The following FAT3 variants were observed in gnomAD, a reference collection of about 807,000 sequenced individuals.
The protein encoded by FAT3 is FAT atypical cadherin 3.
In FAT3, 95 loss-of-function variants were observed where a neutral mutation model predicts 310.2. That is an observed-to-expected ratio of 0.31 (90% confidence interval 0.26 to 0.36). The LOEUF (loss-of-function observed/expected upper bound fraction) is 0.36, where lower values mean the gene tolerates loss of function less well. Ranked by LOEUF, FAT3 falls within the 10% of genes least tolerant of loss-of-function variation. The pLI is 1.00. For synonymous variants in FAT3, 2,314 were observed against 2,192.9 expected (o/e 1.06, Z -1.54); for missense variants, 5,408 against 5,715.6 (o/e 0.95, Z 1.74).
intron 7 of FAT3, among the ~76,000 whole-genome samples, chr11:92,789,718 T>C (rs1946986986): frequency 6.6e-6 from 1 of 152,222 alleles, no homozygotes; most frequent in South Asian, 2.1e-4. Context: ...ATAGTGAGAA[T>C]ATTGGTCAGC....
At position 92,354,323 on chromosome 11, in the gene FAT3, G is replaced by A; in HGVS notation, c.2211G>A (p.Glu737=). 1 of 1,613,778 alleles carries A rather than the reference G, an allele frequency of 6.2e-7. No individual in the cohort carries two copies. Among genetic ancestry groups the A allele is most frequent in the Non-Finnish European group, 8.5e-7 (1 of 1,179,852 alleles). The change falls in exon 2 of 28, where the codon GAG becomes GAA. Residue 737 remains glutamate, a synonymous_variant. Transcript: ENST00000525166. ...TTCCTTCTGATGTGGCTGTAAAGGA[G>A]GATCTGCCAGTTGGTGCTAACATTC... ...KSFPSDVAVK[E]DLPVGANILK... is the part of the protein sequence containing the mutation.
At chr11:92,840,884 C>G (rs1948529314) in intron 18 of FAT3, 125 bp downstream of exon 18, 5 of 908,340 alleles carry the variant, frequency 5.5e-6, no homozygotes, top group Non-Finnish European at 7.8e-6. Context: ...GGGAATGTTC[C>G]CCCTTTTAAT....
intron 19 of FAT3, among the ~76,000 whole-genome samples, chr11:92,848,126 A>G (rs193212404): frequency 1.3e-5 from 2 of 152,328 alleles, no homozygotes; most frequent in East Asian, 1.9e-4. Context: ...TTTGGCCTCA[A>G]TATTCTATCC....
In FAT3 at chr11:92,798,698, T is replaced by C; in HGVS notation, c.5685T>C (p.Pro1895=). The part of the protein sequence containing the change: ...QAVFETILLL[P]TYVGVEVLKV... ...TGTTTGAGACTATCTTACTTCTACC[T>C]ACCTATGTTGGAGTGGAGGTTCTGA... The change falls in exon 10 of 28, where the codon CCT becomes CCC. Residue 1895 remains proline, a synonymous_variant. Coordinates refer to ENST00000525166, the MANE Select transcript of FAT3 (RefSeq NM_001367949.2). 1 of 1,613,780 alleles carries C rather than the reference T, an allele frequency of 6.2e-7. No homozygotes were observed. The highest frequency in any genetic ancestry group is 8.5e-7 in the Non-Finnish European group (1 of 1,179,824).
intron 1 of FAT3, among the ~76,000 whole-genome samples, chr11:92,227,965 G>A (rs994401357): frequency 1.3e-5 from 2 of 151,700 alleles, no homozygotes; most frequent in South Asian, 2.1e-4. Context: ...TTGTCTCTTA[G>A]AATTAAACCG....
intron 3 of FAT3, among the ~76,000 whole-genome samples, chr11:92,649,615 C>T (rs1942295031): frequency 6.6e-6 from 1 of 152,006 alleles, no homozygotes; most frequent in African/African-American, 2.4e-5. Flanking sequence ...TTTGATTGTG[C>T]CTCAGCGCTT....
intron 3 of FAT3, among the ~76,000 whole-genome samples, chr11:92,637,674 C>T (rs1020878343): frequency 2.0e-4 from 30 of 152,156 alleles, no homozygotes; most frequent in Admixed American, 1.9e-3. Flanking sequence ...AACTTCATGA[C>T]TGTGTGCCTC....
intron 2 of FAT3, among the ~76,000 whole-genome samples, chr11:92,452,819 G>T (rs1326843280): frequency 6.6e-6 from 1 of 152,110 alleles, no homozygotes; most frequent in Non-Finnish European, 1.5e-5. Flanking sequence ...CTAGAGTGCA[G>T]TGGTGAGATC....
Position 92,352,155 on chromosome 11 carries a change from G to T in FAT3, c.43G>T (p.Ala15Ser), listed in dbSNP as rs756076337. ...ACACTGTGTGGGCACACGGCCTCCT[G>T]CTTGTTGCCTCATCCTCCTGCTTTT... ...MGHCVGTRPP[A>S]CCLILLLFKL... is the part of the protein sequence containing the mutation. The change falls in exon 2 of 28, where the codon GCT becomes TCT. Residue 15 changes from alanine (A) to serine (S), a missense_variant. By Grantham distance (99) the Ala-to-Ser change is moderately conservative. Coordinates refer to ENST00000525166, the MANE Select transcript of FAT3 (RefSeq NM_001367949.2). The T allele has an allele frequency of 1.5e-6, 2 of 1,368,730 alleles. No homozygotes were observed. The highest frequency in any genetic ancestry group is 1.9e-5 in the Admixed American group (1 of 52,336). 84.8% of individuals were successfully genotyped at this position (1,368,730 alleles called of 1,614,324 possible). A position where few individuals can be genotyped will look rare whatever the true frequency, so the allele number is the denominator to read the frequency against.
At chr11:92,548,678 T>C (rs1280103922) in intron 3 of FAT3, among the ~76,000 whole-genome samples, 1 of 152,220 alleles carries the variant, frequency 6.6e-6, no homozygotes. Context: ...TAGAAACCTA[T>C]AGCAGTGTAA....
chr11:92,609,191 C>G (rs932014708), intron 3 of FAT3, among the ~76,000 whole-genome samples: 3 of 152,196 alleles, frequency 2.0e-5, no homozygotes, highest in South Asian at 2.1e-4. Flanking sequence ...GTTGTCAGAA[C>G]TCTAGTGAAC....
At chr11:92,462,866 T>G (rs552497231) in intron 2 of FAT3, among the ~76,000 whole-genome samples, 4 of 152,354 alleles carry the variant, frequency 2.6e-5, no homozygotes, top group Middle Eastern at 3.4e-3. Context: ...CTTCCAGTAC[T>G]TCTTGTTCTC....
intron 3 of FAT3, among the ~76,000 whole-genome samples, chr11:92,625,659 C>G (rs1194419294): frequency 6.6e-6 from 1 of 152,092 alleles, no homozygotes; most frequent in East Asian, 1.9e-4. Flanking sequence ...TTGGCTATGG[C>G]TATTTGATGT....
intron 4 of FAT3, among the ~76,000 whole-genome samples, chr11:92,729,115 CTA>C (rs1483942388): frequency 6.6e-6 from 1 of 152,138 alleles, no homozygotes; most frequent in Non-Finnish European, 1.5e-5. Context: ...GTGATTTGTT[CTA>C]TGTGTTTCTT....
chr11:92,279,123 C>T (rs1366789914), intron 1 of FAT3, among the ~76,000 whole-genome samples: 1 of 152,048 alleles, frequency 6.6e-6, no homozygotes, highest in Non-Finnish European at 1.5e-5. Flanking sequence ...ATTACTAAAC[C>T]TTTTATCTAA....
In FAT3 at chr11:92,859,305, C is replaced by A. The variant is rs751390066; in HGVS notation, c.11641C>A (p.Pro3881Thr). The A allele has an allele frequency of 3.1e-6, 5 of 1,604,116 alleles. No homozygotes were observed. Among genetic ancestry groups the A allele is most frequent in the East Asian group, 4.5e-5 (2 of 44,672 alleles). Residue 3881 changes from proline (P) to threonine (T), a missense_variant, in exon 21 of 28, where the codon CCC becomes ACC. This residue lies in a region of FAT3 where 4,588 missense variants were observed against 4,809.8 expected (regional missense o/e 0.95). Coordinates refer to ENST00000525166, the MANE Select transcript of FAT3 (RefSeq NM_001367949.2). ...GATTATAATGTACACCAGAGCAAAT[C>A]CCTGCATAATTCTGAAGGTAATTAA... is the stretch of plus-strand genomic sequence containing the variant. ...NGIIMYTRAN[P>T]CIILKIVDGK...
intron 3 of FAT3, among the ~76,000 whole-genome samples, chr11:92,575,104 T>C (rs1938406932): frequency 6.6e-6 from 1 of 152,194 alleles, no homozygotes; most frequent in Admixed American, 6.5e-5. Flanking sequence ...TTTTTTTCCA[T>C]TTGTTAGTTA....
intron 1 of FAT3, among the ~76,000 whole-genome samples, chr11:92,237,825 A>T (rs1399814980): frequency 6.6e-6 from 1 of 152,162 alleles, no homozygotes; most frequent in East Asian, 1.9e-4. Context: ...GAGAAATTAT[A>T]GGTGGTATTT....
At chr11:92,810,108 C>A in intron 13 of FAT3, 32 bp downstream of exon 13, 1 of 1,575,528 alleles carries the variant, frequency 6.3e-7, no homozygotes, top group Non-Finnish European at 8.7e-7. Context: ...CCCTGTCACA[C>A]AGTGGACACT....
Sources: gnomAD v4.1 joint callset for allele counts (sites outside exome capture counted in the v4.1 genomes callset) on GRCh38, gnomAD v4.1.1 for gene constraint, gnomAD v4.1.1 regional missense constraint, MANE v1.5 for transcripts, NCBI Gene and HGNC (gene_info 2026-07-23, HGNC 2026-07-21) for gene names.